ZPBP: variants seen among roughly 807,000 people sequenced by gnomAD.
ZPBP encodes the protein zona pellucida-binding protein 1.
Under a neutral mutation model 44.8 loss-of-function variants are expected in ZPBP, and 26 were observed. That is an observed-to-expected ratio of 0.58 (90% confidence interval 0.43 to 0.81). The LOEUF (loss-of-function observed/expected upper bound fraction) is 0.81. Ranked by LOEUF, ZPBP falls within the 30% of genes least tolerant of loss-of-function variation. The probability of loss-of-function intolerance (pLI) is 0.00; values close to 1 mark genes in which losing one functional copy is unlikely to be tolerated. For synonymous variants in ZPBP, 174 were observed against 153.2 expected (o/e 1.14, Z -1.00); for missense variants, 409 against 434.0 (o/e 0.94, Z 0.51).
chr7:49,940,848 G>C, intron 7 of ZPBP: 1 of 960,072 alleles, frequency 1.0e-6, no homozygotes, highest in Non-Finnish European at 1.2e-6. Flanking sequence ...TTTGTGATGG[G>C]TGCAGTTCCT....
chr7:49,977,452 A>C (rs1008280228), intron 7 of ZPBP, among the ~76,000 whole-genome samples: 2 of 152,188 alleles, frequency 1.3e-5, no homozygotes, highest in Non-Finnish European at 2.9e-5. Context: ...GCTTTATTTA[A>C]AAACATTTTT....
At chr7:50,013,942 A>C (rs1798696712) in intron 6 of ZPBP, among the ~76,000 whole-genome samples, 1 of 152,128 alleles carries the variant, frequency 6.6e-6, no homozygotes, top group Admixed American at 6.6e-5. Flanking sequence ...GAAAAATATT[A>C]ATCAATTATA....
At chr7:49,956,411 GAA>G (rs1795594840) in intron 7 of ZPBP, among the ~76,000 whole-genome samples, 4 of 151,970 alleles carry the variant, frequency 2.6e-5, no homozygotes, top group South Asian at 4.1e-4. Flanking sequence ...TCTATTTTTT[GAA>G]AAGTCTCCTA....
Position 49,958,728 on chromosome 7 carries a change from T to C in ZPBP, c.962-21106A>G, listed in dbSNP as rs1034213213. On this transcript the variant is annotated intron_variant, in intron 7 of 7. Transcript: ENST00000046087. ...AAAACAGACTAAGACAGTGCTTTAT[T>C]AGTGCAGGGATACACACATAGATCA... Among the ~76,000 whole-genome samples, 4 of 152,346 alleles carry C rather than the reference T, an allele frequency of 2.6e-5. No homozygotes were observed. The South Asian group carries it at 6.2e-4, about 24-fold the overall frequency.
intron 3 of ZPBP, among the ~76,000 whole-genome samples, chr7:50,062,450 G>A (rs1008690043): frequency 1.3e-5 from 2 of 152,108 alleles, no homozygotes; most frequent in African/African-American, 4.8e-5. Flanking sequence ...GTAACTAAAA[G>A]AGCATAGCAC....
intron 7 of ZPBP, among the ~76,000 whole-genome samples, chr7:49,977,354 C>T (rs1796579188): frequency 6.6e-6 from 1 of 151,730 alleles, no homozygotes; most frequent in Non-Finnish European, 1.5e-5. Context: ...GCAAAGGAAA[C>T]TTTTTTTTGT....
intron 1 of ZPBP, 124 bp downstream of exon 1, chr7:50,092,944 A>G: frequency 7.4e-7 from 1 of 1,359,636 alleles, no homozygotes; most frequent in Non-Finnish European, 9.7e-7. Context: ...CTTTCTTGTC[A>G]CGTATTAGTG....
chr7:49,995,539 G>T (rs1797785363), intron 6 of ZPBP, among the ~76,000 whole-genome samples: 1 of 152,170 alleles, frequency 6.6e-6, no homozygotes, highest in Non-Finnish European at 1.5e-5. Context: ...TTTCTGCACA[G>T]GCCAAATAGG....
chr7:49,914,659 T>C (rs1457610532), intron 1 of ZPBP: 1 of 152,242 alleles, frequency 6.6e-6, no homozygotes, highest in Non-Finnish European at 1.5e-5. Context: ...AGTTAGACTT[T>C]CACAAATACA....
intron 7 of ZPBP, among the ~76,000 whole-genome samples, chr7:49,975,024 T>C (rs1338634618): frequency 1.3e-5 from 2 of 152,054 alleles, no homozygotes; most frequent in African/African-American, 2.4e-5. Flanking sequence ...TTCCCTCCCA[T>C]GCCCTGACAT....
intron 7 of ZPBP, among the ~76,000 whole-genome samples, chr7:49,970,080 C>T (rs752137753): frequency 6.6e-6 from 1 of 152,078 alleles, no homozygotes; most frequent in African/African-American, 2.4e-5. Context: ...AGACTGATCT[C>T]GAACTCCCGA....
chr7:49,888,566 G>A (rs1004217906), intron 2 of ZPBP, among the ~76,000 whole-genome samples: 2 of 152,158 alleles, frequency 1.3e-5, no homozygotes, highest in Admixed American at 6.5e-5. Context: ...CCTCCCTGAA[G>A]CCTCAGGCAG....
chr7:49,996,845 G>A (rs1009683946), intron 6 of ZPBP, among the ~76,000 whole-genome samples: 1 of 152,214 alleles, frequency 6.6e-6, no homozygotes, highest in South Asian at 2.1e-4. Flanking sequence ...AGACTATGCT[G>A]ATGGCTGCCT....
intron 7 of ZPBP, chr7:49,943,404 A>G: frequency 2.5e-6 from 1 of 399,816 alleles, no homozygotes; most frequent in Admixed American, 3.0e-5. Context: ...CAGATATTTC[A>G]TCTACAATGG....
At chr7:49,923,488 G>T (rs1794108953) in intron 1 of ZPBP, among the ~76,000 whole-genome samples, 1 of 152,166 alleles carries the variant, frequency 6.6e-6, no homozygotes, top group South Asian at 2.1e-4. Flanking sequence ...GTATACAGCT[G>T]TGACTTATTA....
chr7:49,846,153 A>G (rs1229042131), downstream of ZPBP, among the ~76,000 whole-genome samples: 3 of 152,216 alleles, frequency 2.0e-5, no homozygotes, highest in Non-Finnish European at 4.4e-5. Flanking sequence ...CAATAGAGCC[A>G]ACCAGACTTA....
intron 1 of ZPBP, chr7:49,918,901 A>C (rs1390697995): frequency 6.6e-6 from 1 of 152,146 alleles, no homozygotes; most frequent in African/African-American, 2.4e-5. Flanking sequence ...TCTACTAAAA[A>C]TACAAAAAAA....
rs1452800334 is a variant in ZPBP, at chr7:49,911,918, T to TACATGCACACACAC, written n.412-10704_412-10703insGTGTGTGTGCATGT. 6 of 223,014 alleles carry TACATGCACACACAC rather than the reference T, an allele frequency of 2.7e-5. No individual in the cohort carries two copies. The African/African-American group carries it at 2.8e-4, about 10-fold the overall frequency. The allele number at this position is 223,014 out of a possible 1,614,324, so 13.8% of individuals were successfully genotyped here. ...TCTCAAAAACAAACAAACAAACAAA[T>TACATGCACACACAC]ACACGCACACACACACACACACACA... is the stretch of plus-strand genomic sequence containing the variant. On this transcript the variant is annotated intron_variant and non_coding_transcript_variant, in intron 1 of 2. Transcript: ENST00000465922.
intron 2 of ZPBP, among the ~76,000 whole-genome samples, chr7:50,083,004 G>A (rs749483270): frequency 1.1e-4 from 17 of 151,508 alleles, no homozygotes; most frequent in East Asian, 5.8e-4. Context: ...CCCTAACCAC[G>A]CCACAGCAGC....
Sources: gnomAD v4.1 joint callset for allele counts (sites outside exome capture counted in the v4.1 genomes callset) on GRCh38, gnomAD v4.1.1 for gene constraint, MANE v1.5 for transcripts, NCBI Gene and HGNC (gene_info 2026-07-23, HGNC 2026-07-21) for gene names.